The following CPXM2 variants were observed in gnomAD, a reference collection of about 807,000 sequenced individuals.
CPXM2 encodes the protein inactive carboxypeptidase-like protein X2.
A neutral mutation model predicts 86.1 loss-of-function variants in CPXM2; 66 were observed. That is an observed-to-expected ratio of 0.77 (90% CI 0.63 to 0.94). The LOEUF (loss-of-function observed/expected upper bound fraction) is 0.94. Ranked by LOEUF, CPXM2 falls within the 40% of genes least tolerant of loss-of-function variation. The pLI is 0.00. For synonymous variants in CPXM2, 388 were observed against 400.2 expected (o/e 0.97, Z 0.36); for missense variants, 948 against 1,026.3 (o/e 0.92, Z 1.04).
intron 2 of CPXM2, among the ~76,000 whole-genome samples, chr10:123,928,680 T>A (rs140066741): frequency 3.5e-4 from 54 of 152,338 alleles, no homozygotes; most frequent in African/African-American, 1.1e-3. Flanking sequence ...CTCTGGGTGT[T>A]CCCGCTAACA....
chr10:123,892,336 C>G (rs1391361039), upstream of CPXM2, among the ~76,000 whole-genome samples: 1 of 152,152 alleles, frequency 6.6e-6, no homozygotes, highest in African/African-American at 2.4e-5. Context: ...GAGCCCTCTC[C>G]CATCTGAGAC....
intron 2 of CPXM2, among the ~76,000 whole-genome samples, chr10:123,910,291 G>T (rs1048078989): frequency 6.6e-6 from 1 of 152,166 alleles, no homozygotes; most frequent in African/African-American, 2.4e-5. Context: ...TCCCTCTGGA[G>T]TCTGGGAATC....
At chr10:123,869,635 C>T (rs1050699277) in intron 2 of CPXM2, among the ~76,000 whole-genome samples, 12 of 152,280 alleles carry the variant, frequency 7.9e-5, no homozygotes, top group Middle Eastern at 3.4e-3. Flanking sequence ...CTCTATTCCT[C>T]GGGAGGCGAG....
intron 1 of CPXM2, among the ~76,000 whole-genome samples, chr10:123,880,737 A>G (rs190883872): frequency 2.9e-4 from 43 of 149,136 alleles, no homozygotes; most frequent in African/African-American, 5.9e-4. Flanking sequence ...GCTGAGGCAG[A>G]AGAATGGCGT....
Position 123,768,690 on chromosome 10 carries a change from G to A in CPXM2, c.1135C>T (p.His379Tyr). 1 of 1,611,352 alleles carries A rather than the reference G, an allele frequency of 6.2e-7. No individual in the cohort carries two copies. The highest frequency in any genetic ancestry group is 8.5e-7 in the Non-Finnish European group (1 of 1,179,904). ...EPEFHYIAGA[H>Y]GNEVLGRELL... The stretch of plus-strand genomic sequence containing the variant: ...TCCCGGCCCAGCACCTCATTGCCGT[G>A]GGCCCCCGCGATGTAGTGGAACTCG... Residue 379 changes from histidine (H) to tyrosine (Y), a missense_variant, in exon 9 of 14, where the codon CAC becomes TAC. By Grantham distance (83) the His-to-Tyr change is moderately conservative (BLOSUM62 2). Coordinates refer to ENST00000241305, the MANE Select transcript of CPXM2 (RefSeq NM_198148.3).
At chr10:123,855,328 G>A (rs1171804173) in intron 3 of CPXM2, among the ~76,000 whole-genome samples, 3 of 152,200 alleles carry the variant, frequency 2.0e-5, no homozygotes, top group Non-Finnish European at 2.9e-5. Flanking sequence ...AGAAGAACTT[G>A]TGAGACACAG....
intron 2 of CPXM2, among the ~76,000 whole-genome samples, chr10:123,915,057 G>A (rs755218934): frequency 1.9e-4 from 29 of 152,086 alleles, no homozygotes; most frequent in Non-Finnish European, 3.8e-4. Context: ...CCCCTCCCGC[G>A]GCTCCTCTGA....
intron 4 of CPXM2, among the ~76,000 whole-genome samples, chr10:123,822,729 A>ATAATAG (rs1332481869): frequency 4.6e-4 from 8 of 17,310 alleles, no homozygotes; most frequent in African/African-American, 8.0e-4. Context: ...CCTGAAAATA[A>ATAATAG]TAATAATAAT....
Position 123,885,971 on chromosome 10 carries a change from G to A in CPXM2, c.304+5385C>T, listed in dbSNP as rs1945172384. ...GTGTGTCCTCCTTTATTATCCATGC[G>A]CGAGCCCTGGTTTCTGGAACCTTGG... is the stretch of plus-strand genomic sequence containing the variant. On this transcript the variant is annotated intron_variant, in intron 1 of 13. Coordinates refer to ENST00000241305, the MANE Select transcript of CPXM2 (RefSeq NM_198148.3). This position sits in a 1 kb window ranked among gnomAD's most constrained non-coding sequence, Gnocchi z 4.0. 6.6e-6 allele frequency among the ~76,000 whole-genome samples: 1 copy of A among 152,276 alleles called. No individual in the cohort carries two copies. Among genetic ancestry groups the A allele is most frequent in the South Asian group, 2.1e-4 (1 of 4,826 alleles).
intron 2 of CPXM2, among the ~76,000 whole-genome samples, chr10:123,863,867 GGC>G (rs748232931): frequency 2.6e-5 from 4 of 152,176 alleles, no homozygotes; most frequent in Non-Finnish European, 5.9e-5. Context: ...CAGGACAATG[GGC>G]CCCTGCTGTC....
At chr10:123,821,824 G>C (rs964037051) in intron 4 of CPXM2, among the ~76,000 whole-genome samples, 15 of 152,154 alleles carry the variant, frequency 9.9e-5, no homozygotes, top group Admixed American at 2.0e-4. Context: ...TGCCAATTGT[G>C]CTAAGTTTGG....
At chr10:123,911,962 G>C (rs561614759) in intron 2 of CPXM2, among the ~76,000 whole-genome samples, 1 of 152,236 alleles carries the variant, frequency 6.6e-6, no homozygotes, top group East Asian at 1.9e-4. Context: ...AGGAGTGAAA[G>C]TTTATTTGAA....
chr10:123,795,178 C>T (rs1847304777), intron 6 of CPXM2, among the ~76,000 whole-genome samples: 2 of 152,278 alleles, frequency 1.3e-5, no homozygotes, highest in South Asian at 4.1e-4. Context: ...GCTGTGAAAC[C>T]ACCAGCCATC....
chr10:123,862,644 C>G lies in CPXM2; in HGVS notation c.483G>C (p.Leu161=). ...LHASTVKRYG[L]GAHRGRLNIQ... ...TGTTGAGTCTCCCTCGATGTGCCCCCAGGCCATAGCGCTTCACCGTGGAGG... is the reference window on the plus strand; with the variant it reads ...TGTTGAGTCTCCCTCGATGTGCCCCGAGGCCATAGCGCTTCACCGTGGAGG... Residue 161 remains leucine (L), a synonymous_variant, in exon 3 of 14, where the codon CTG becomes CTC. Coordinates refer to ENST00000241305, the MANE Select transcript of CPXM2 (RefSeq NM_198148.3). 6.2e-7 allele frequency: 1 copy of G among 1,614,224 alleles called. No individual in the cohort carries two copies. The highest frequency in any genetic ancestry group is 8.5e-7 in the Non-Finnish European group (1 of 1,180,038).
chr10:123,772,171 CGTTGTGGTTACCACCTCCCTG>C (rs1239107218), intron 7 of CPXM2, among the ~76,000 whole-genome samples: 2 of 146,242 alleles, frequency 1.4e-5, no homozygotes, highest in African/African-American at 2.5e-5. Context: ...TCACCTCCTT[CGTTGTGGTTACCACCTCCCTG>C]GTTGTGGTTA....
At chr10:123,936,678 A>G (rs910162631) in intron 2 of CPXM2, among the ~76,000 whole-genome samples, 6 of 152,014 alleles carry the variant, frequency 3.9e-5, no homozygotes, top group Non-Finnish European at 7.4e-5. Context: ...TTCCTTCACA[A>G]TATTCTCTCT....
In CPXM2 at chr10:123,835,609, C is replaced by T. The variant is rs189501626; in HGVS notation, c.653+6740G>A. ...AGTTTGGAAACTTCTCTCTCCCCAG[C>T]CCCACATAGGTGCCAAACATTTCAT... On this transcript the variant is annotated intron_variant, in intron 4 of 13. Transcript: ENST00000241305. 6.9e-3 allele frequency among the ~76,000 whole-genome samples: 1,048 copies of T among 152,320 alleles called. 4 individuals are homozygous for T. The highest frequency in any genetic ancestry group is 0.014 in the Middle Eastern group (4 of 294).
rs1945170455 is a variant in CPXM2, at chr10:123,885,824, T to C, written c.305-5515A>G. Among the ~76,000 whole-genome samples, 1 of 152,216 alleles carries C rather than the reference T, an allele frequency of 6.6e-6. No homozygotes were observed. The highest frequency in any genetic ancestry group is 6.5e-5 in the Admixed American group (1 of 15,286). On this transcript the variant is annotated intron_variant, in intron 1 of 13. Coordinates refer to ENST00000241305, the MANE Select transcript of CPXM2 (RefSeq NM_198148.3). The surrounding 1 kb of genome is among the most constrained non-coding windows in gnomAD (Gnocchi z 4.0). Reference sequence around the variant, plus strand: ...AAAAGTCAAGGCTCCAGGGCCAGGCTGCCATTGTCCCCACACTAAAGGTGC... The same window carrying C: ...AAAAGTCAAGGCTCCAGGGCCAGGCCGCCATTGTCCCCACACTAAAGGTGC...
intron 13 of CPXM2, among the ~76,000 whole-genome samples, chr10:123,749,582 G>A (rs533785836): frequency 6.6e-6 from 1 of 152,246 alleles, no homozygotes; most frequent in African/African-American, 2.4e-5. Flanking sequence ...CCGAGCCTCT[G>A]GGGTCCCAGT....
Sources: gnomAD v4.1 joint callset for allele counts (sites outside exome capture counted in the v4.1 genomes callset) on GRCh38, gnomAD v4.1.1 for gene constraint, Gnocchi (gnomAD v3.1) non-coding constraint, MANE v1.5 for transcripts, NCBI Gene and HGNC (gene_info 2026-07-23, HGNC 2026-07-21) for gene names.